ABCA13: variants seen among roughly 807,000 people sequenced by gnomAD.
ABCA13 encodes ATP binding cassette subfamily A member 13.
Under a neutral mutation model 478.7 loss-of-function variants are expected in ABCA13, and 476 were observed. The ratio of observed to expected loss-of-function variants is 0.99; its 90% confidence interval spans 0.92 to 1.07. The LOEUF (loss-of-function observed/expected upper bound fraction) is 1.07, where lower values mean the gene tolerates loss of function less well. Among genes scored for constraint, ABCA13 ranks in the 50% least tolerant of loss-of-function variants. The probability of loss-of-function intolerance (pLI) is 0.00; values close to 1 mark genes in which losing one functional copy is unlikely to be tolerated. For missense variants in ABCA13, 6,060 were observed against 5,910.6 expected (o/e 1.03, Z -0.83); for synonymous variants, 2,252 against 2,158.9 (o/e 1.04, Z -1.20).
chr7:48,238,625 C>T (rs964283722), intron 8 of ABCA13, among the ~76,000 whole-genome samples: 44 of 152,196 alleles, frequency 2.9e-4, no homozygotes, highest in African/African-American at 8.4e-4. Flanking sequence ...CCCACCACCA[C>T]GCCTGGCTAA....
intron 3 of ABCA13, among the ~76,000 whole-genome samples, chr7:48,204,601 C>T (rs1000668410): frequency 3.3e-5 from 5 of 152,142 alleles, no homozygotes; most frequent in African/African-American, 1.2e-4. Context: ...CCTGCCGTCC[C>T]ATTCCGATGC....
intron 59 of ABCA13, among the ~76,000 whole-genome samples, chr7:48,617,903 G>A (rs994199886): frequency 2.6e-5 from 4 of 152,036 alleles, no homozygotes; most frequent in African/African-American, 9.7e-5. Context: ...AAATATAGAG[G>A]GAAGAATGTC....
At chr7:48,644,157 A>G (rs552039009) in intron 60 of ABCA13, among the ~76,000 whole-genome samples, 1 of 152,166 alleles carries the variant, frequency 6.6e-6, no homozygotes, top group Non-Finnish European at 1.5e-5. Context: ...ACCCTATAAA[A>G]CAGACATAAT....
At chr7:48,345,483 A>G (rs1807930704) in intron 29 of ABCA13, among the ~76,000 whole-genome samples, 1 of 150,962 alleles carries the variant, frequency 6.6e-6, no homozygotes, top group Non-Finnish European at 1.5e-5. Context: ...GTGTAGGCCT[A>G]GGCTAATGTG....
intron 59 of ABCA13, among the ~76,000 whole-genome samples, chr7:48,616,130 T>C (rs1792545439): frequency 6.6e-6 from 1 of 152,208 alleles, no homozygotes; most frequent in African/African-American, 2.4e-5. Flanking sequence ...TTTTCATTTA[T>C]TCAGTGTTTT....
chr7:48,262,201 T>C (rs1350335520), intron 15 of ABCA13, among the ~76,000 whole-genome samples: 1 of 151,988 alleles, frequency 6.6e-6, no homozygotes, highest in African/African-American at 2.4e-5. Context: ...TACCATCAGC[T>C]GTGTCTATTA....
At chr7:48,599,794 G>A (rs970619229) in intron 58 of ABCA13, among the ~76,000 whole-genome samples, 3 of 152,130 alleles carry the variant, frequency 2.0e-5, no homozygotes, top group South Asian at 2.1e-4. Context: ...ACAAAATGGT[G>A]GCAGGCTGGA....
At chr7:48,269,405 G>T (rs1795302929) in intron 16 of ABCA13, among the ~76,000 whole-genome samples, 1 of 152,150 alleles carries the variant, frequency 6.6e-6, no homozygotes. Flanking sequence ...TTGAAAAATT[G>T]TCTTAGCTAG....
Position 48,338,243 on chromosome 7 carries a change from A to G in ABCA13, c.10114-122A>G, listed in dbSNP as rs1213382809. The G allele has an allele frequency of 5.0e-6, 3 of 602,490 alleles. No individual in the cohort carries two copies. The African/African-American group carries it at 5.7e-5, about 11-fold the overall frequency. 37.3% of individuals were successfully genotyped at this position (602,490 alleles called of 1,614,324 possible). A position where few individuals can be genotyped will look rare whatever the true frequency, so the allele number is the denominator to read the frequency against. ...ATTGTGGTGTTTTAAAACTTCTTTT[A>G]AGTGGATTCAGTTTATGTGCCTTGT... On this transcript the variant is annotated intron_variant, in intron 28 of 61. Coordinates refer to ENST00000435803, the MANE Select transcript of ABCA13 (RefSeq NM_152701.5).
intron 55 of ABCA13, among the ~76,000 whole-genome samples, chr7:48,554,084 C>T (rs768845665): frequency 6.6e-6 from 1 of 151,934 alleles, no homozygotes; most frequent in African/African-American, 2.4e-5. Flanking sequence ...TGAAGACCAT[C>T]TTCTTCTGAA....
At chr7:48,621,597 A>G (rs1261511704) in intron 59 of ABCA13, among the ~76,000 whole-genome samples, 2 of 152,204 alleles carry the variant, frequency 1.3e-5, no homozygotes, top group Non-Finnish European at 1.5e-5. Context: ...TTGGTGTCCT[A>G]TGCTCTTCTC....
At chr7:48,578,984 A>T (rs916850676) in intron 55 of ABCA13, among the ~76,000 whole-genome samples, 12 of 152,190 alleles carry the variant, frequency 7.9e-5, no homozygotes, top group Admixed American at 2.0e-4. Flanking sequence ...ACAAAAATTA[A>T]CTCCAAGTGG....
At chr7:48,362,409 C>CTTTTTTTTTTTTTT (rs35795708) in intron 31 of ABCA13, among the ~76,000 whole-genome samples, 1 of 86,006 alleles carries the variant, frequency 1.2e-5, no homozygotes, top group African/African-American at 4.7e-5. Context: ...TCCTCTTCTT[C>CTTTTTTTTTTTTTT]TTTTTTTTTT....
chr7:48,219,005 A>C (rs1786915764), intron 3 of ABCA13, among the ~76,000 whole-genome samples: 1 of 152,204 alleles, frequency 6.6e-6, no homozygotes. Context: ...AGATCATATC[A>C]TGTCCGTACT....
In ABCA13 at chr7:48,272,061, G is replaced by C. The variant is rs17547816; in HGVS notation, c.2395G>C (p.Glu799Gln). ...TCAGAAACTCTTGGAATTTGGCAAC[G>C]AAGTGATTTGGAAAATGCAGACTCT... ...DAQKLLEFGN[E>Q]VIWKMQTLGS... The change falls in exon 17 of 62, where the codon GAA (glutamate) becomes CAA (glutamine). Residue 799 changes from glutamate to glutamine, a missense_variant. Glu to Gln is a conservative substitution (Grantham distance 29, BLOSUM62 2). Around this residue, in one of 3 missense-constraint regions of ABCA13, gnomAD observed 4,423 missense variants for 4,309.1 expected, o/e 1.03. Transcript: ENST00000435803. 12 of 1,613,522 alleles carry C rather than the reference G, an allele frequency of 7.4e-6. No homozygotes were observed. The South Asian group carries it at 1.1e-4, about 15-fold the overall frequency.
At position 48,630,321 on chromosome 7, in the gene ABCA13, C is replaced by T. The variant is rs192111954; in HGVS notation, c.14838-12967C>T. Among the ~76,000 whole-genome samples, 6 of 152,230 alleles carry T rather than the reference C, an allele frequency of 3.9e-5. No individual in the cohort carries two copies. In the East Asian group the frequency reaches 1.2e-3, roughly 29 times the overall value. Reference sequence around the variant, plus strand: ...ATCCTCACTCTCCTCCCATCCTCCACCCTCAAGTAGGCTCCAGTGTCTATT... The same window carrying T: ...ATCCTCACTCTCCTCCCATCCTCCATCCTCAAGTAGGCTCCAGTGTCTATT... On this transcript the variant is annotated intron_variant, in intron 59 of 61. Transcript: ENST00000435803.
chr7:48,443,119 C>T (rs759207846), intron 42 of ABCA13, among the ~76,000 whole-genome samples: 1 of 152,184 alleles, frequency 6.6e-6, no homozygotes, highest in South Asian at 2.1e-4. Context: ...CGTCGGCAAA[C>T]CAAGGAGAGA....
At chr7:48,360,460 G>A (rs189439555) in intron 31 of ABCA13, among the ~76,000 whole-genome samples, 5 of 152,084 alleles carry the variant, frequency 3.3e-5, no homozygotes, top group Admixed American at 3.3e-4. Flanking sequence ...TCGATTCTTA[G>A]TTTGATTCAT....
intron 48 of ABCA13, among the ~76,000 whole-genome samples, chr7:48,497,912 G>A (rs1421921227): frequency 3.3e-5 from 5 of 152,210 alleles, no homozygotes; most frequent in Admixed American, 3.3e-4. Context: ...TGCCACTGGG[G>A]TGGGGGCAGT....
Sources: allele counts gnomAD v4.1 joint callset (sites outside exome capture counted in the v4.1 genomes callset), GRCh38; gene constraint gnomAD v4.1.1; regional missense constraint gnomAD v4.1.1; transcripts MANE v1.5; gene names NCBI Gene and HGNC (gene_info 2026-07-23, HGNC 2026-07-21).